TEK: variants seen among roughly 807,000 people sequenced by gnomAD.
TEK encodes TEK receptor tyrosine kinase.
A neutral mutation model predicts 131.8 loss-of-function variants in TEK; 43 were observed. The observed-to-expected ratio is 0.33, with a 90% confidence interval of 0.26 to 0.42. The LOEUF (loss-of-function observed/expected upper bound fraction) is 0.42. TEK is among the 10% of genes least tolerant of loss of function. The pLI is 1.00. For missense variants in TEK, 1,162 were observed against 1,384.4 expected (o/e 0.84, Z 2.55); for synonymous variants, 580 against 491.6 (o/e 1.18, Z -2.38).
At chr9:27,191,591 GAA>G (rs11372025) in intron 10 of TEK, among the ~76,000 whole-genome samples, 2 of 146,668 alleles carry the variant, frequency 1.4e-5, no homozygotes, top group East Asian at 2.0e-4. Context: ...GAAAACTATG[GAA>G]AAAAAAAAAG....
At chr9:27,159,480 T>C (rs1823466043) in intron 2 of TEK, among the ~76,000 whole-genome samples, 2 of 152,190 alleles carry the variant, frequency 1.3e-5, no homozygotes, top group African/African-American at 4.8e-5. Context: ...CTTTGCAGGC[T>C]ACCATTTTTG....
intron 18 of TEK, 49 bp from the exon 19 acceptor site, chr9:27,217,639 C>T: frequency 6.3e-7 from 1 of 1,577,398 alleles, no homozygotes; most frequent in Non-Finnish European, 8.7e-7. Flanking sequence ...CTGAGAGCCT[C>T]TTAAAGACCC....
intron 9 of TEK, among the ~76,000 whole-genome samples, chr9:27,190,320 T>C (rs1824770471): frequency 6.6e-6 from 1 of 152,146 alleles, no homozygotes; most frequent in South Asian, 2.1e-4. Flanking sequence ...AAGGGGCACA[T>C]TTATTTTAAG....
At chr9:27,137,717 A>T (rs1208670654) in intron 1 of TEK, among the ~76,000 whole-genome samples, 1 of 152,190 alleles carries the variant, frequency 6.6e-6, no homozygotes, top group South Asian at 2.1e-4. Flanking sequence ...TTAGTTACAA[A>T]GAGATCCCAG....
chr9:27,169,505 T>TGAAGTACCTGATATTCTA lies in TEK; in HGVS notation c.512_529dup (p.Pro171_Val176dup). ...CCTTCATCCATTCAGTGCCCCGGCA[T>TGAAGTACCTGATATTCTA]GAAGTACCTGATATTCTAGAAGTAC... On this transcript the variant is annotated inframe_insertion, in exon 4 of 23. Coordinates refer to ENST00000380036, the MANE Select transcript of TEK (RefSeq NM_000459.5). 1 of 1,614,118 alleles carries TGAAGTACCTGATATTCTA rather than the reference T, an allele frequency of 6.2e-7. No individual in the cohort carries two copies. Among genetic ancestry groups the TGAAGTACCTGATATTCTA allele is most frequent in the Non-Finnish European group, 8.5e-7 (1 of 1,179,950 alleles).
At chr9:27,174,132 C>G (rs1295247370) in intron 6 of TEK, among the ~76,000 whole-genome samples, 1 of 152,166 alleles carries the variant, frequency 6.6e-6, no homozygotes, top group East Asian at 1.9e-4. Context: ...ATCCACTTTT[C>G]AGTATGCATT....
chr9:27,202,716 T>G, intron 12 of TEK, 104 bp from the exon 13 acceptor site: 2 of 1,247,222 alleles, frequency 1.6e-6, no homozygotes, highest in Non-Finnish European at 2.3e-6. Flanking sequence ...TGAGAAAACA[T>G]TTGTTTGCCT....
intron 1 of TEK, among the ~76,000 whole-genome samples, chr9:27,156,167 C>A (rs903146850): frequency 6.6e-6 from 1 of 152,088 alleles, no homozygotes; most frequent in South Asian, 2.1e-4. Context: ...GGACTTCAGT[C>A]AGGCAGATCT....
intron 18 of TEK, among the ~76,000 whole-genome samples, chr9:27,217,029 G>A (rs1825841542): frequency 6.6e-6 from 1 of 152,178 alleles, no homozygotes; most frequent in East Asian, 1.9e-4. Context: ...TGCCTAGCCT[G>A]GGATCAGTAA....
rs180879496 is a variant in TEK at position 27,141,870 on chromosome 9, G to A, written c.53-15961G>A. ...ATTAAAAAAGAAACAGGTATAATGG[G>A]TTTGGATTTTTAGTTATAACAGTCT... On this transcript the variant is annotated intron_variant, in intron 1 of 22. Coordinates refer to ENST00000380036, the MANE Select transcript of TEK (RefSeq NM_000459.5). Among the ~76,000 whole-genome samples the A allele has an allele frequency of 1.1e-3, 168 of 152,292 alleles. 1 individual carries two copies. The highest frequency in any genetic ancestry group is 3.8e-3 in the African/African-American group (157 of 41,558).
At chr9:27,172,199 G>A (rs956676004) in intron 4 of TEK, among the ~76,000 whole-genome samples, 1 of 152,146 alleles carries the variant, frequency 6.6e-6, no homozygotes, top group Non-Finnish European at 1.5e-5. Context: ...ACTGGTCAGA[G>A]ACCACACTTT....
intron 18 of TEK, among the ~76,000 whole-genome samples, chr9:27,214,535 C>T (rs910383718): frequency 1.3e-5 from 2 of 152,160 alleles, no homozygotes; most frequent in Admixed American, 6.5e-5. Context: ...TTCTCAATTC[C>T]AGGCTTCTTT....
chr9:27,220,283 T>C, intron 21 of TEK, 138 bp downstream of exon 21: 1 of 730,510 alleles, frequency 1.4e-6, no homozygotes, highest in Non-Finnish European at 2.4e-6. Context: ...TAGGAACCCC[T>C]CCCCTTTTAT....
intron 18 of TEK, 113 bp downstream of exon 18, chr9:27,213,710 G>A (rs1825715748): frequency 3.8e-6 from 3 of 797,640 alleles, no homozygotes; most frequent in Non-Finnish European, 4.4e-6. Flanking sequence ...CTGACTGTAT[G>A]TCCCAGTAGA....
intron 13 of TEK, among the ~76,000 whole-genome samples, chr9:27,204,275 C>T (rs1007221281): frequency 1.3e-5 from 2 of 152,068 alleles, no homozygotes; most frequent in Non-Finnish European, 2.9e-5. Context: ...AAAAATATAT[C>T]GAGTTTAATT....
chr9:27,140,821 A>G (rs2131085220), intron 1 of TEK, among the ~76,000 whole-genome samples: 1 of 152,290 alleles, frequency 6.6e-6, no homozygotes, highest in South Asian at 2.1e-4. Flanking sequence ...GAACAAAGAT[A>G]CATAGCTGTT....
chr9:27,215,227 A>G (rs942533829), intron 18 of TEK, among the ~76,000 whole-genome samples: 1 of 152,112 alleles, frequency 6.6e-6, no homozygotes, highest in Non-Finnish European at 1.5e-5. Flanking sequence ...GGGGGAGAGC[A>G]CCTATCAGGT....
At chr9:27,143,820 T>C (rs1484813062) in intron 1 of TEK, among the ~76,000 whole-genome samples, 1 of 152,214 alleles carries the variant, frequency 6.6e-6, no homozygotes, top group Non-Finnish European at 1.5e-5. Flanking sequence ...CTACCAGGTT[T>C]ATATAGTCAG....
chr9:27,190,457 C>G (rs1824775739), intron 9 of TEK, 72 bp from the exon 10 acceptor site: 2 of 1,581,052 alleles, frequency 1.3e-6, no homozygotes, highest in Non-Finnish European at 1.7e-6. Context: ...AACATATCTT[C>G]TACCTCTACC....
Sources: gnomAD v4.1 joint callset for allele counts (sites outside exome capture counted in the v4.1 genomes callset) on GRCh38, gnomAD v4.1.1 for gene constraint, MANE v1.5 for transcripts, NCBI Gene and HGNC (gene_info 2026-07-23, HGNC 2026-07-21) for gene names.